CENPM: variants seen among roughly 807,000 people sequenced by gnomAD.
CENPM encodes centromere protein M, also known as interphase centromere complex protein 39.
In CENPM, 14 loss-of-function variants were observed where a neutral mutation model predicts 19.6. The ratio of observed to expected loss-of-function variants is 0.71; its 90% confidence interval spans 0.47 to 1.11. CENPM has a LOEUF of 1.11. Among genes scored for constraint, CENPM ranks in the 50% most tolerant of loss-of-function variants. CENPM has a pLI of 0.00. For missense variants in CENPM, 239 were observed against 228.4 expected (o/e 1.05, Z -0.30); for synonymous variants, 114 against 101.5 (o/e 1.12, Z -0.74).
the CENPM span, among the ~76,000 whole-genome samples, chr22:41,930,036 C>T: frequency 4.7e-5 from 7 of 148,080 alleles, no homozygotes; most frequent in South Asian, 2.2e-4. Flanking sequence ...CTCCGCCTCC[C>T]AGGTTCACGC....
chr22:41,944,504 C>T (rs1023497), intron 4 of CENPM: 639 of 245,584 alleles, frequency 2.6e-3, no homozygotes, highest in Non-Finnish European at 3.5e-3. Context: ...CTTGGCTCTA[C>T]CACTTTTCAT....
intron 5 of CENPM, among the ~76,000 whole-genome samples, chr22:41,939,838 G>A (rs866149744): frequency 5.5e-4 from 8 of 14,480 alleles, no homozygotes; most frequent in Admixed American, 7.7e-4. Context: ...AAGAAAGAAA[G>A]AAAAAGAAAG....
At chr22:41,927,686 G>T in the CENPM span, among the ~76,000 whole-genome samples, 1 of 152,006 alleles carries the variant, frequency 6.6e-6, no homozygotes. Flanking sequence ...TTTTAGTAGA[G>T]GTGGGGTTTC....
downstream of CENPM, among the ~76,000 whole-genome samples, chr22:41,937,018 T>C (rs1432619241): frequency 1.3e-5 from 2 of 152,140 alleles, no homozygotes; most frequent in Non-Finnish European, 2.9e-5. Context: ...TCCTGAGGCC[T>C]GAGGCTGGTG....
At chr22:41,939,283 G>A (rs1569425484) in intron 5 of CENPM, 87 bp from the exon 6 acceptor site, 1 of 1,467,544 alleles carries the variant, frequency 6.8e-7, no homozygotes, top group Non-Finnish European at 9.1e-7. Flanking sequence ...CCAGAGCAGG[G>A]CTGGGGGCGG....
chr22:41,940,165 C>T (rs1407086763), intron 5 of CENPM: 1 of 772,244 alleles, frequency 1.3e-6, no homozygotes, highest in South Asian at 1.4e-5. Context: ...AAGTCCCACA[C>T]TCGGCCCATG....
intron 2 of CENPM, 117 bp from the exon 3 acceptor site, chr22:41,946,122 A>T: frequency 1.1e-6 from 1 of 899,600 alleles, no homozygotes. Context: ...CATCCTAGCC[A>T]CCCGAGGCTC....
chr22:41,940,321 C>A (rs528056572), intron 5 of CENPM: 2 of 597,018 alleles, frequency 3.3e-6, no homozygotes, highest in African/African-American at 3.8e-5. Context: ...ACCTGACACG[C>A]CACGCCTCCA....
At chr22:41,946,375 G>T in intron 2 of CENPM, 42 bp downstream of exon 2, 1 of 1,551,212 alleles carries the variant, frequency 6.4e-7, no homozygotes, top group Non-Finnish European at 8.9e-7. Flanking sequence ...TCCCTCTGGA[G>T]TGAGAGACAC....
At chr22:41,933,316 C>G in the CENPM span, among the ~76,000 whole-genome samples, 4 of 150,550 alleles carry the variant, frequency 2.7e-5, no homozygotes, top group Non-Finnish European at 5.9e-5. Context: ...CTACACACAT[C>G]AGTGGGGTCC....
At chr22:41,942,474 GGT>G (rs1465268954) in intron 5 of CENPM, among the ~76,000 whole-genome samples, 2 of 152,112 alleles carry the variant, frequency 1.3e-5, no homozygotes, top group Non-Finnish European at 2.9e-5. Flanking sequence ...ACAGTGGCCG[GGT>G]GCAGTGGCTC....
chr22:41,932,546 G>A, the CENPM span, among the ~76,000 whole-genome samples: 1 of 152,220 alleles, frequency 6.6e-6, no homozygotes, highest in Admixed American at 6.5e-5. The surrounding 1 kb of genome is among the most constrained non-coding windows in gnomAD (Gnocchi z 4.3). Flanking sequence ...GCCACTCCAT[G>A]CACACGTGCG....
chr22:41,928,881 G>C, the CENPM span, among the ~76,000 whole-genome samples: 1 of 150,952 alleles, frequency 6.6e-6, no homozygotes, highest in Non-Finnish European at 1.5e-5. This position sits in a 1 kb window ranked among gnomAD's most constrained non-coding sequence, Gnocchi z 4.0. Context: ...TGCAGCGGCT[G>C]GCCATGGAGT....
intron 1 of CENPM, 167 bp downstream of exon 1, chr22:41,946,853 G>C (rs1011909645): frequency 3.0e-6 from 2 of 662,594 alleles, no homozygotes; most frequent in African/African-American, 3.6e-5. Flanking sequence ...CTCAACCTCA[G>C]AGAGCGGCTA....
intron 5 of CENPM, chr22:41,940,292 C>T (rs2077727817): frequency 3.1e-6 from 2 of 645,052 alleles, no homozygotes; most frequent in Admixed American, 2.3e-5. Context: ...CCCTGCCTAA[C>T]TCTTGCCTGT....
the CENPM span, among the ~76,000 whole-genome samples, chr22:41,929,318 CCTGA>C: frequency 2.4e-4 from 36 of 152,254 alleles, no homozygotes; most frequent in Non-Finnish European, 3.2e-4. Context: ...GCTGCAGAGG[CCTGA>C]CTGAGTACCA....
chr22:41,946,261 G>A (rs2077800295), intron 2 of CENPM, 156 bp downstream of exon 2: 1 of 689,014 alleles, frequency 1.5e-6, no homozygotes, highest in South Asian at 1.9e-5. Flanking sequence ...GGGAGGTTGG[G>A]ATATAAGACG....
intron 5 of CENPM, among the ~76,000 whole-genome samples, chr22:41,940,921 G>A (rs1489860005): frequency 2.0e-5 from 3 of 152,124 alleles, no homozygotes; most frequent in Non-Finnish European, 2.9e-5. Context: ...CTCCAGAGAC[G>A]TGACCCAAAT....
At chr22:41,938,645 G>A (rs561683531), downstream of CENPM, 27 of 162,196 alleles carry the variant, frequency 1.7e-4, no homozygotes, top group Middle Eastern at 3.0e-3. Flanking sequence ...GATTACAGGC[G>A]TGAGCCTCTG....
Sources: allele counts gnomAD v4.1 joint callset (sites outside exome capture counted in the v4.1 genomes callset), GRCh38; gene constraint gnomAD v4.1.1; non-coding constraint Gnocchi (gnomAD v3.1); transcripts MANE v1.5; gene names NCBI Gene and HGNC (gene_info 2026-07-23, HGNC 2026-07-21).